TSHZ2: variants seen among roughly 807,000 people sequenced by gnomAD.
TSHZ2 encodes teashirt homolog 2.
A neutral mutation model predicts 74.4 loss-of-function variants in TSHZ2; 21 were observed. The ratio of observed to expected loss-of-function variants is 0.28; its 90% confidence interval spans 0.20 to 0.41. The LOEUF (loss-of-function observed/expected upper bound fraction) is 0.41. Ranked by LOEUF, TSHZ2 falls within the 10% of genes least tolerant of loss-of-function variation. TSHZ2 has a pLI of 1.00. For missense variants in TSHZ2, 1,244 were observed against 1,293.5 expected, an observed-to-expected ratio of 0.96 and a Z score of 0.59; for synonymous variants, 540 against 515.3, an observed-to-expected ratio of 1.05 and a Z score of -0.65.
chr20:53,430,208 G>A (rs1377700396), intron 2 of TSHZ2, among the ~76,000 whole-genome samples: 4 of 152,040 alleles, frequency 2.6e-5, no homozygotes, highest in South Asian at 2.1e-4. Context: ...GGGTTGAAGC[G>A]ATTCTCCTGC....
At chr20:53,014,548 G>C (rs1982968168) in intron 1 of TSHZ2, among the ~76,000 whole-genome samples, 1 of 152,070 alleles carries the variant, frequency 6.6e-6, no homozygotes, top group Non-Finnish European at 1.5e-5. Context: ...GCTGCTCATG[G>C]GTTCCTAGGC....
chr20:53,121,078 T>C (rs903723746), intron 1 of TSHZ2, among the ~76,000 whole-genome samples: 4 of 152,184 alleles, frequency 2.6e-5, no homozygotes, highest in Non-Finnish European at 4.4e-5. Flanking sequence ...CCAGCAAAGA[T>C]GTAGGCCTCC....
intron 1 of TSHZ2, among the ~76,000 whole-genome samples, chr20:53,155,361 C>G (rs1037981534): frequency 1.3e-5 from 2 of 151,904 alleles, no homozygotes; most frequent in Non-Finnish European, 2.9e-5. Flanking sequence ...CAGAAAGGAA[C>G]CTTTGGTAGA....
Position 53,236,762 on chromosome 20 carries a change from G to A in TSHZ2, c.41-16737G>A, listed in dbSNP as rs191033781. ...GCCTCAGGAAACTTACAATCATGACGGAAGGCAAAGGAGAAGCAAACATGT... is the reference window on the plus strand; with the variant it reads ...GCCTCAGGAAACTTACAATCATGACAGAAGGCAAAGGAGAAGCAAACATGT... On this transcript the variant is annotated intron_variant, in intron 1 of 2. Transcript: ENST00000371497. Among the ~76,000 whole-genome samples the A allele has an allele frequency of 9.4e-4, 143 of 152,268 alleles. 1 individual carries two copies. The highest frequency in any genetic ancestry group is 6.8e-3 in the Middle Eastern group (2 of 294).
intron 2 of TSHZ2, among the ~76,000 whole-genome samples, chr20:53,294,957 G>T (rs910243778): frequency 1.3e-5 from 2 of 152,222 alleles, no homozygotes; most frequent in African/African-American, 4.8e-5. Context: ...GGCTCCAGTG[G>T]AGTGTTCCCT....
intron 1 of TSHZ2, among the ~76,000 whole-genome samples, chr20:53,030,521 G>C (rs149799052): frequency 1.3e-5 from 2 of 152,208 alleles, no homozygotes; most frequent in Non-Finnish European, 2.9e-5. Flanking sequence ...TCTGGTCTCT[G>C]GGTCAATTTT....
chr20:53,100,685 G>A (rs747043895), intron 1 of TSHZ2, among the ~76,000 whole-genome samples: 4 of 151,994 alleles, frequency 2.6e-5, no homozygotes, highest in Non-Finnish European at 4.4e-5. Flanking sequence ...TGCCTGCTGT[G>A]GTCCCACCCC....
At chr20:53,460,645 T>C (rs1233996031) in intron 2 of TSHZ2, among the ~76,000 whole-genome samples, 2 of 152,214 alleles carry the variant, frequency 1.3e-5, no homozygotes, top group Non-Finnish European at 2.9e-5. Context: ...AATTTCCAGT[T>C]TTTCTGTTCT....
intron 2 of TSHZ2, among the ~76,000 whole-genome samples, chr20:53,469,527 G>GAGAC (rs1213910408): frequency 2.7e-5 from 4 of 150,578 alleles, no homozygotes; most frequent in Non-Finnish European, 1.5e-5. Context: ...CTGGGTGAGT[G>GAGAC]AGACTCTGTC....
chr20:53,114,142 T>G (rs1026914004), intron 1 of TSHZ2, among the ~76,000 whole-genome samples: 3 of 152,080 alleles, frequency 2.0e-5, no homozygotes, highest in African/African-American at 7.2e-5. Context: ...CATACACATT[T>G]CTGGAGTGGA....
chr20:53,323,681 T>C (rs1979376135), intron 2 of TSHZ2, among the ~76,000 whole-genome samples: 1 of 147,188 alleles, frequency 6.8e-6, no homozygotes, highest in South Asian at 2.2e-4. Flanking sequence ...GTTCAAGCGA[T>C]TATCTTGCCT....
intron 2 of TSHZ2, among the ~76,000 whole-genome samples, chr20:53,452,598 CAAAAA>C (rs11313655): frequency 4.1e-5 from 5 of 121,300 alleles, no homozygotes; most frequent in Middle Eastern, 3.8e-3. Context: ...GACTCTGTCT[CAAAAA>C]AAAAAAAAAA....
chr20:53,368,447 G>A (rs559744580), intron 2 of TSHZ2, among the ~76,000 whole-genome samples: 7 of 152,198 alleles, frequency 4.6e-5, no homozygotes, highest in African/African-American at 1.4e-4. Context: ...GGGATTACAG[G>A]TGCCTGCCAC....
chr20:53,345,382 AAAC>A (rs1980395924), intron 2 of TSHZ2, among the ~76,000 whole-genome samples: 1 of 152,138 alleles, frequency 6.6e-6, no homozygotes, highest in Admixed American at 6.5e-5. Flanking sequence ...GCTAGGTGGG[AAAC>A]AACGTCAGGG....
At chr20:53,037,469 T>C (rs1396675973) in intron 1 of TSHZ2, among the ~76,000 whole-genome samples, 3 of 152,174 alleles carry the variant, frequency 2.0e-5, no homozygotes, top group African/African-American at 7.2e-5. Flanking sequence ...TGAAACTAAA[T>C]AGCTCTTAAG....
intron 2 of TSHZ2, among the ~76,000 whole-genome samples, chr20:53,463,898 T>C (rs1454254445): frequency 1.3e-5 from 2 of 152,220 alleles, no homozygotes; most frequent in Non-Finnish European, 1.5e-5. Flanking sequence ...AAATAAGATA[T>C]AATTGGTAAA....
chr20:53,194,489 G>A (rs979127780), intron 1 of TSHZ2, among the ~76,000 whole-genome samples: 3 of 152,106 alleles, frequency 2.0e-5, no homozygotes, highest in Non-Finnish European at 2.9e-5. Flanking sequence ...GTTAGTCTCC[G>A]ACTTTCAGCA....
chr20:53,406,010 C>CT (rs570045146), intron 2 of TSHZ2, among the ~76,000 whole-genome samples: 91 of 151,874 alleles, frequency 6.0e-4, no homozygotes, highest in African/African-American at 2.1e-3. Context: ...AAAATAAATA[C>CT]TTTTTTTTAA....
chr20:53,168,521 C>T (rs1988114478), intron 1 of TSHZ2: 1 of 152,190 alleles, frequency 6.6e-6, no homozygotes, highest in Non-Finnish European at 1.5e-5. Context: ...ATGATGAATA[C>T]TGGAAAAATT....
Sources: allele counts gnomAD v4.1 joint callset (sites outside exome capture counted in the v4.1 genomes callset), GRCh38; gene constraint gnomAD v4.1.1; transcripts MANE v1.5; gene names NCBI Gene and HGNC (gene_info 2026-07-23, HGNC 2026-07-21).